Variants in PLA2G6 observed in about 807,000 individuals in gnomAD.
The protein encoded by PLA2G6 is phospholipase A2 group VI.
A neutral mutation model predicts 83.8 loss-of-function variants in PLA2G6; 62 were observed. That is an observed-to-expected ratio of 0.74 (90% CI 0.60 to 0.91). The LOEUF is 0.91. PLA2G6 is among the 40% of genes least tolerant of loss of function. The probability of loss-of-function intolerance (pLI) is 0.00; values close to 1 mark genes in which losing one functional copy is unlikely to be tolerated. For synonymous variants in PLA2G6, 417 were observed against 449.8 expected, an observed-to-expected ratio of 0.93 and a Z score of 0.92; for missense variants, 944 against 1,102.0, an observed-to-expected ratio of 0.86 and a Z score of 2.03.
At position 38,122,950 on chromosome 22, in the gene PLA2G6, G is replaced by A; in HGVS notation, c.1591+145C>T. Reference sequence around the variant, plus strand: ...CTTCCAGCCTGGGACCTCAGCACCTGCAGCCCCGCCCCTGCCTCCTCAAAG... The same window carrying A: ...CTTCCAGCCTGGGACCTCAGCACCTACAGCCCCGCCCCTGCCTCCTCAAAG... On this transcript the variant is annotated intron_variant, in intron 11 of 16. Transcript: ENST00000332509. 6.2e-6 allele frequency: 5 copies of A among 802,576 alleles called. No individual in the cohort carries two copies. In the South Asian group the frequency reaches 6.3e-5, roughly 10 times the overall value. The allele number at this position is 802,576 out of a possible 1,614,324, so 49.7% of individuals were successfully genotyped here. A position where few individuals can be genotyped will look rare whatever the true frequency, so the allele number is the denominator to read the frequency against.
rs186215424 is a variant in PLA2G6, at chr22:38,172,072, C to T, written c.-45-2601G>A. The stretch of plus-strand genomic sequence containing the variant: ...ATCACAGCCCAGCATGTTACAACTG[C>T]CCCTCCTGCCAGACGGTAAGCTTCG... On this transcript the variant is annotated intron_variant, in intron 1 of 16. Coordinates refer to ENST00000332509, the MANE Select transcript of PLA2G6 (RefSeq NM_003560.4). Among the ~76,000 whole-genome samples the T allele has an allele frequency of 2.6e-5, 4 of 152,326 alleles. No homozygotes were observed. In the East Asian group the frequency reaches 5.8e-4, roughly 22 times the overall value.
At chr22:38,167,291 G>T (rs566200486) in intron 2 of PLA2G6, among the ~76,000 whole-genome samples, 1 of 151,940 alleles carries the variant, frequency 6.6e-6, no homozygotes, top group East Asian at 1.9e-4. Flanking sequence ...AATAGCTTAC[G>T]TGTAGCTAAG....
At position 38,120,906 on chromosome 22, in the gene PLA2G6, T is replaced by C; in HGVS notation, c.1595A>G (p.Lys532Arg). ...CATGCCGCGCATGTAGGCCATGGAC[T>C]TACCTAGGAACAAAGGGGTCAGAGG... ...GILALAILHS[K>R]SMAYMRGMYF... The change falls in exon 12 of 17, where the codon AAG becomes AGG. Residue 532 changes from lysine (K) to arginine (R), a missense_variant. Transcript: ENST00000332509. 4 of 1,613,434 alleles carry C rather than the reference T, an allele frequency of 2.5e-6. No homozygotes were observed. The highest frequency in any genetic ancestry group is 2.5e-6 in the Non-Finnish European group (3 of 1,180,000).
Position 38,135,082 on chromosome 22 carries a change from C to A in PLA2G6, c.800G>T (p.Cys267Phe). ...GTCCATGCTGATGATCATCTCCGCA[C>A]ACCTGGTGAGAGAGGGGCCCCGGTT... ...HSAMKFSQKG[C>F]AEMIISMDSS... The change falls in exon 6 of 17, where the codon TGT becomes TTT. Residue 267 changes from cysteine to phenylalanine, a missense_variant and splice_region_variant. Coordinates refer to ENST00000332509, the MANE Select transcript of PLA2G6 (RefSeq NM_003560.4). The A allele has an allele frequency of 6.2e-7, 1 of 1,612,624 alleles. No homozygotes were observed. Among genetic ancestry groups the A allele is most frequent in the Non-Finnish European group, 8.5e-7 (1 of 1,178,810 alleles).
At chr22:38,143,404 G>T in intron 3 of PLA2G6, 116 bp from the exon 4 acceptor site, 1 of 905,918 alleles carries the variant, frequency 1.1e-6, no homozygotes, top group Non-Finnish European at 1.8e-6. Context: ...TGGTTTATTT[G>T]AGCTCAAGAG....
In PLA2G6 at chr22:38,120,773, G is replaced by A. The variant is rs564308214; in HGVS notation, c.1728C>T (p.Asp576=). 5.6e-6 allele frequency: 9 copies of A among 1,613,750 alleles called. No homozygotes were observed. The highest frequency in any genetic ancestry group is 4.5e-5 in the East Asian group (2 of 44,888). Residue 576 remains aspartate (D), a synonymous_variant, in exon 12 of 17, where the codon GAC becomes GAT. Coordinates refer to ENST00000332509, the MANE Select transcript of PLA2G6 (RefSeq NM_003560.4). ...REFGEHTKMT[D]VRKPKVMLTG... The stretch of plus-strand genomic sequence containing the variant: ...CCAGGGCTTACTTGGGTTTCCTGAC[G>A]TCCGTCATCTTGGTGTGCTCCCCAA...
At chr22:38,180,140 G>GACAC (rs133028) in intron 1 of PLA2G6, among the ~76,000 whole-genome samples, 3,088 of 137,850 alleles carry the variant, frequency 0.022, 47 homozygotes, top group East Asian at 0.05. Flanking sequence ...GATGTCTGCA[G>GACAC]ACACACACAC....
chr22:38,143,421 C>G, intron 3 of PLA2G6, 133 bp from the exon 4 acceptor site: 2 of 802,326 alleles, frequency 2.5e-6, no homozygotes, highest in Non-Finnish European at 4.3e-6. Flanking sequence ...AGAGCATTCC[C>G]GCCACTCAGC....
Position 38,113,817 on chromosome 22 carries a change from T to C in PLA2G6, c.2035-163A>G, listed in dbSNP as rs1437384415. 5.5e-6 allele frequency: 4 copies of C among 727,718 alleles called. No individual in the cohort carries two copies. The South Asian group carries it at 5.8e-5, about 11-fold the overall frequency. The allele number at this position is 727,718 out of a possible 1,614,324, so 45.1% of individuals were successfully genotyped here. A position where few individuals can be genotyped will look rare whatever the true frequency, so the allele number is the denominator to read the frequency against. On this transcript the variant is annotated intron_variant, in intron 14 of 16. Transcript: ENST00000332509. The stretch of plus-strand genomic sequence containing the variant: ...TGCCTGGCATGATTTCCAGCCAGCC[T>C]CTTGCACGTGACCCCAGAACGGCTG...
At chr22:38,126,269 T>C (rs1342152355) in intron 10 of PLA2G6, 102 bp downstream of exon 10, 10 of 869,230 alleles carry the variant, frequency 1.2e-5, no homozygotes, top group Non-Finnish European at 2.0e-5. Context: ...TCGCCGGCTG[T>C]GAGGGTGCAG....
chr22:38,169,083 C>T (rs887824751), intron 2 of PLA2G6, 135 bp downstream of exon 2: 1 of 735,930 alleles, frequency 1.4e-6, no homozygotes, highest in Non-Finnish European at 2.4e-6. Flanking sequence ...AGAGTACAGT[C>T]TCCCCTCTCT....
chr22:38,131,798 C>T, intron 7 of PLA2G6: 2 of 260,032 alleles, frequency 7.7e-6, no homozygotes, highest in Non-Finnish European at 1.5e-5. Context: ...CTATAGAAAA[C>T]GTGCACACGG....
intron 2 of PLA2G6, among the ~76,000 whole-genome samples, chr22:38,168,726 T>C (rs1344792039): frequency 6.6e-6 from 1 of 152,166 alleles, no homozygotes; most frequent in East Asian, 1.9e-4. Context: ...GGTGGGTGCC[T>C]GTAATCCCAG....
intron 12 of PLA2G6, chr22:38,116,547 C>A (rs1162878305): frequency 4.7e-6 from 2 of 421,114 alleles, no homozygotes; most frequent in Non-Finnish European, 4.7e-6. Flanking sequence ...CCAACACACA[C>A]TGCAGACGTT....
At chr22:38,180,640 C>T (rs747063593) in intron 1 of PLA2G6, among the ~76,000 whole-genome samples, 1 of 152,186 alleles carries the variant, frequency 6.6e-6, no homozygotes, top group Non-Finnish European at 1.5e-5. Flanking sequence ...CATTCTAGCC[C>T]TTTCCCTTTC....
intron 5 of PLA2G6, chr22:38,136,424 A>G (rs1211528189): frequency 6.6e-6 from 1 of 152,148 alleles, no homozygotes; most frequent in East Asian, 1.9e-4. Flanking sequence ...CCCTGTCTCT[A>G]CTAAAAAATA....
intron 10 of PLA2G6, among the ~76,000 whole-genome samples, chr22:38,125,323 T>C (rs558715995): frequency 6.6e-6 from 1 of 152,104 alleles, no homozygotes; most frequent in East Asian, 1.9e-4. Flanking sequence ...CGTGCATGTG[T>C]GCGTGTGTGT....
chr22:38,115,835 T>C, intron 13 of PLA2G6, 154 bp from the exon 14 acceptor site: 2 of 1,474,938 alleles, frequency 1.4e-6, no homozygotes, highest in Non-Finnish European at 1.8e-6. Context: ...AGCCACACTC[T>C]CTGGCTAGTT....
chr22:38,155,981 GAA>G (rs778520566), intron 2 of PLA2G6, among the ~76,000 whole-genome samples: 5 of 152,106 alleles, frequency 3.3e-5, no homozygotes, highest in Non-Finnish European at 7.3e-5. Flanking sequence ...AAGGGATGGA[GAA>G]AGATATTCCA....
Sources: gnomAD v4.1 joint callset for allele counts (sites outside exome capture counted in the v4.1 genomes callset) on GRCh38, gnomAD v4.1.1 for gene constraint, MANE v1.5 for transcripts, NCBI Gene and HGNC (gene_info 2026-07-23, HGNC 2026-07-21) for gene names.